The following COL17A1 variants were observed in gnomAD, a reference collection of about 807,000 sequenced individuals.
COL17A1 encodes collagen alpha-1(XVII) chain.
A neutral mutation model predicts 218.4 loss-of-function variants in COL17A1; 181 were observed. That is an observed-to-expected ratio of 0.83 (90% CI 0.73 to 0.94). The LOEUF is 0.94. COL17A1 is among the 40% of genes least tolerant of loss of function. The pLI, the probability that COL17A1 is intolerant of heterozygous loss-of-function variation, is 0.00. For missense variants in COL17A1, 1,924 were observed against 1,945.9 expected (o/e 0.99, Z 0.21); for synonymous variants, 721 against 731.0 (o/e 0.99, Z 0.22).
At chr10:104,073,282 A>G in intron 6 of COL17A1, 37 bp from the exon 7 acceptor site, 1 of 1,593,924 alleles carries the variant, frequency 6.3e-7, no homozygotes, top group Non-Finnish European at 8.6e-7. Context: ...GGCATATATA[A>G]GAGGTGGCAT....
At position 104,077,469 on chromosome 10, in the gene COL17A1, A is replaced by T; in HGVS notation, c.155T>A (p.Leu52Gln). The change falls in exon 4 of 56, where the codon CTG (leucine) becomes CAG (glutamine). Residue 52 changes from leucine to glutamine, a missense_variant. Transcript: ENST00000648076. ...GCCATGAGTCAGGCTTTGTTTCTCC[A>T]GCCGGCTCCCTCCACCAAGAGAGGC... Reference protein sequence around the residue: ...KTASLGGGSRLEKQSLTHGSS... With the variant: ...KTASLGGGSRQEKQSLTHGSS... 2 of 1,613,606 alleles carry T rather than the reference A, an allele frequency of 1.2e-6. No homozygotes were observed. The highest frequency in any genetic ancestry group is 1.7e-6 in the Non-Finnish European group (2 of 1,179,910).
intron 36 of COL17A1, 127 bp from the exon 37 acceptor site, chr10:104,041,665 C>G: frequency 1.3e-6 from 1 of 779,094 alleles, no homozygotes; most frequent in Non-Finnish European, 2.2e-6. Context: ...AGACACCAGG[C>G]CCTGTGTCAT....
At chr10:104,034,482 G>A in intron 51 of COL17A1, 139 bp downstream of exon 51, 2 of 1,488,346 alleles carry the variant, frequency 1.3e-6, no homozygotes, top group Admixed American at 4.1e-5. Context: ...GAGAATTTTG[G>A]TGTGGAAGGA....
At position 104,055,797 on chromosome 10, in the gene COL17A1, T is replaced by C. The variant is rs1358050341; in HGVS notation, c.1672A>G (p.Met558Val). ...ATGCTCTCACCATTTTCCTGTTCCA[T>C]CATTAGCTTCTTCCTCACGAACATC... is the stretch of plus-strand genomic sequence containing the variant. Reference protein sequence around the residue: ...LWMFVRKKLMMEQENGNLRGS... With the variant: ...LWMFVRKKLMVEQENGNLRGS... The change falls in exon 18 of 56, where the codon ATG becomes GTG. Residue 558 changes from methionine (M) to valine (V), a missense_variant. By Grantham distance (21) the Met-to-Val change is conservative. Coordinates refer to ENST00000648076, the MANE Select transcript of COL17A1 (RefSeq NM_000494.4). 5 of 1,614,050 alleles carry C rather than the reference T, an allele frequency of 3.1e-6. No individual in the cohort carries two copies. The highest frequency in any genetic ancestry group is 4.2e-6 in the Non-Finnish European group (5 of 1,180,038).
intron 8 of COL17A1, 67 bp from the exon 9 acceptor site, chr10:104,070,636 G>A (rs1481257116): frequency 1.9e-6 from 3 of 1,612,892 alleles, no homozygotes; most frequent in Non-Finnish European, 1.7e-6. Context: ...GTGCAACTGG[G>A]GGGAACATTT....
Position 104,041,355 on chromosome 10 carries a change from G to C in COL17A1, c.2606-11C>G, listed in dbSNP as rs2086357730. ...CTGGAATGGAAGGCCCTGCAGAAGA[G>C]AGCAAGGAAGAGGCCATGCTGAGCT... On this transcript the variant is annotated splice_polypyrimidine_tract_variant and intron_variant, in intron 37 of 55. Coordinates refer to ENST00000648076, the MANE Select transcript of COL17A1 (RefSeq NM_000494.4). 3.7e-6 allele frequency: 6 copies of C among 1,610,150 alleles called. No homozygotes were observed. Among genetic ancestry groups the C allele is most frequent in the African/African-American group, 2.7e-5 (2 of 74,662 alleles).
In COL17A1 at chr10:104,032,905, C is replaced by T; in HGVS notation, c.4357+1G>A. 1 of 1,614,162 alleles carries T rather than the reference C, an allele frequency of 6.2e-7. No individual in the cohort carries two copies. The highest frequency in any genetic ancestry group is 8.5e-7 in the Non-Finnish European group (1 of 1,180,012). On this transcript the variant is annotated splice_donor_variant, in intron 54 of 55. Transcript: ENST00000648076. LOFTEE classifies it high-confidence loss of function. ...GGGACTGGCTCTCTGCCACCACTTA[C>T]CTTTGGGTCCTGGAGTGCCCATCTC...
rs77661904 is a variant in COL17A1 at position 104,055,573 on chromosome 10, A to T, written c.1688-172T>A. The stretch of plus-strand genomic sequence containing the variant: ...GCTAGTCCAGTGATCTTGAGCAATT[A>T]TTCTTTCCAGAACTCAGTTTTTCCA... On this transcript the variant is annotated intron_variant, in intron 18 of 55. Coordinates refer to ENST00000648076, the MANE Select transcript of COL17A1 (RefSeq NM_000494.4). 6.2e-3 allele frequency among the ~76,000 whole-genome samples: 945 copies of T among 152,126 alleles called. 10 individuals are homozygous for T. Among genetic ancestry groups the T allele is most frequent in the South Asian group, 0.039 (189 of 4,810 alleles).
At chr10:104,072,815 G>GA (rs1357362457) in intron 7 of COL17A1, among the ~76,000 whole-genome samples, 1 of 151,622 alleles carries the variant, frequency 6.6e-6, no homozygotes, top group Non-Finnish European at 1.5e-5. Context: ...GATGAATTTT[G>GA]AAAAAAAATT....
chr10:104,033,177 G>T, intron 53 of COL17A1, 61 bp downstream of exon 53: 1 of 1,558,076 alleles, frequency 6.4e-7, no homozygotes, highest in Non-Finnish European at 8.7e-7. Flanking sequence ...TGTCTCTGGA[G>T]CAGACCCGTG....
chr10:104,060,447 C>G (rs1156384911), intron 13 of COL17A1, among the ~76,000 whole-genome samples, 167 bp from the exon 14 acceptor site: 1 of 152,190 alleles, frequency 6.6e-6, no homozygotes, highest in Non-Finnish European at 1.5e-5. Flanking sequence ...TATGAAGCAT[C>G]TTGGGGACCA....
At position 104,037,067 on chromosome 10, in the gene COL17A1, T is replaced by G; in HGVS notation, c.3255A>C (p.Glu1085Asp). ...VSLFSSSISS[E>D]DILAVLQRDD... ...CACGCTGCAGCACAGCCAGAATGTC[T>G]TCAGAAGAGATGGAGGACGAGAACA... The change falls in exon 47 of 56, where the codon GAA becomes GAC. Residue 1085 changes from glutamate to aspartate, a missense_variant. By Grantham distance (45) the Glu-to-Asp change is conservative (BLOSUM62 2). Coordinates refer to ENST00000648076, the MANE Select transcript of COL17A1 (RefSeq NM_000494.4). 1 of 1,607,382 alleles carries G rather than the reference T, an allele frequency of 6.2e-7. No individual in the cohort carries two copies. Among genetic ancestry groups the G allele is most frequent in the Non-Finnish European group, 8.5e-7 (1 of 1,177,710 alleles).
chr10:104,044,722 G>A (rs896599292), intron 33 of COL17A1, among the ~76,000 whole-genome samples: 2 of 152,098 alleles, frequency 1.3e-5, no homozygotes, highest in Non-Finnish European at 2.9e-5. Context: ...TCTTGTGCAT[G>A]TTGTCCAGGC....
intron 9 of COL17A1, 54 bp from the exon 10 acceptor site, chr10:104,064,650 C>T: frequency 1.3e-6 from 2 of 1,504,452 alleles, no homozygotes; most frequent in Non-Finnish European, 1.8e-6. Context: ...ACACTCCCTG[C>T]TGGGGAATCT....
At chr10:104,034,418 G>C in intron 51 of COL17A1, 84 bp from the exon 52 acceptor site, 1 of 1,488,102 alleles carries the variant, frequency 6.7e-7, no homozygotes, top group Non-Finnish European at 9.0e-7. Flanking sequence ...CTCCCAGGGT[G>C]TCAATGCCCC....
intron 6 of COL17A1, 190 bp downstream of exon 6, chr10:104,073,994 A>T (rs1022979725): frequency 1.3e-6 from 1 of 774,894 alleles, no homozygotes; most frequent in Middle Eastern, 2.5e-4. Context: ...CAGCAAGTTA[A>T]TGTGGCTGAT....
At chr10:104,060,324 G>A (rs1318075130) in intron 13 of COL17A1, 44 bp from the exon 14 acceptor site, 1 of 1,610,850 alleles carries the variant, frequency 6.2e-7, no homozygotes, top group Non-Finnish European at 8.5e-7. Context: ...CATGTGCCAG[G>A]AGAAGGGAGA....
Position 104,070,574 on chromosome 10 carries a change from G to A in COL17A1, c.464-5C>T. 3 of 1,614,184 alleles carry A rather than the reference G, an allele frequency of 1.9e-6. No homozygotes were observed. The highest frequency in any genetic ancestry group is 2.5e-6 in the Non-Finnish European group (3 of 1,180,044). ...TAACATCATCCAATTCTGTCCCTGT[G>A]AAAGAATCCACAGACGTTTCTGTTA... On this transcript the variant is annotated splice_region_variant and splice_polypyrimidine_tract_variant and intron_variant, in intron 8 of 55. Transcript: ENST00000648076.
chr10:104,074,800 G>A (rs372701794), intron 5 of COL17A1, among the ~76,000 whole-genome samples: 43 of 152,330 alleles, frequency 2.8e-4, no homozygotes, highest in African/African-American at 9.6e-4. Context: ...ATGCTAGCCC[G>A]CTGTGATCAT....
Sources: allele counts gnomAD v4.1 joint callset (sites outside exome capture counted in the v4.1 genomes callset), GRCh38; gene constraint gnomAD v4.1.1; transcripts MANE v1.5; gene names NCBI Gene and HGNC (gene_info 2026-07-23, HGNC 2026-07-21).